Variants in MYO3B observed in about 807,000 individuals in gnomAD.
The protein encoded by MYO3B is myosin-IIIb.
MYO3B carries 156 observed loss-of-function variants against 174.6 expected under a neutral mutation model. That is an observed-to-expected ratio of 0.89 (90% CI 0.78 to 1.02). The LOEUF is 1.02. Ranked by LOEUF, MYO3B falls within the 50% of genes least tolerant of loss-of-function variation. MYO3B has a pLI of 0.00. For synonymous variants in MYO3B, 563 were observed against 569.1 expected (o/e 0.99, Z 0.15); for missense variants, 1,632 against 1,639.4 (o/e 1.00, Z 0.08).
At chr2:170,628,878 C>A (rs1441853935) in intron 32 of MYO3B, among the ~76,000 whole-genome samples, 1 of 152,164 alleles carries the variant, frequency 6.6e-6, no homozygotes, top group Non-Finnish European at 1.5e-5. Flanking sequence ...TTCCCATAGT[C>A]TTTCCCAGGA....
At chr2:170,442,310 T>C (rs148513311) in intron 22 of MYO3B, among the ~76,000 whole-genome samples, 1 of 152,306 alleles carries the variant, frequency 6.6e-6, no homozygotes, top group East Asian at 1.9e-4. Context: ...ATTTTAGCCA[T>C]AATAGCAGGT....
intron 22 of MYO3B, among the ~76,000 whole-genome samples, chr2:170,414,208 A>G (rs2094563888): frequency 1.3e-5 from 2 of 151,926 alleles, no homozygotes; most frequent in Admixed American, 1.3e-4. Context: ...TTTTCTTGAG[A>G]TGGAGTTTCA....
At chr2:170,412,371 G>A (rs1013970286) in intron 22 of MYO3B, 1 of 152,192 alleles carries the variant, frequency 6.6e-6, no homozygotes, top group Non-Finnish European at 1.5e-5. Flanking sequence ...AATAAGAATA[G>A]CACCAGAGGG....
At chr2:170,502,823 A>G (rs371687228) in intron 28 of MYO3B, among the ~76,000 whole-genome samples, 10 of 152,336 alleles carry the variant, frequency 6.6e-5, no homozygotes, top group Admixed American at 2.0e-4. Context: ...CAACCTCTTG[A>G]AAGAAGTCCC....
intron 7 of MYO3B, among the ~76,000 whole-genome samples, chr2:170,244,263 G>T (rs139803582): frequency 1.3e-5 from 2 of 152,236 alleles, no homozygotes; most frequent in African/African-American, 4.8e-5. Flanking sequence ...CAGATAAAGG[G>T]ACAATAGCAA....
At chr2:170,565,132 AT>A (rs960984701) in intron 32 of MYO3B, among the ~76,000 whole-genome samples, 6 of 152,012 alleles carry the variant, frequency 3.9e-5, no homozygotes, top group African/African-American at 9.7e-5. Context: ...TGAGAAATAA[AT>A]TTTTTTTGCA....
At chr2:170,290,945 A>G (rs1243901256) in intron 7 of MYO3B, among the ~76,000 whole-genome samples, 1 of 152,136 alleles carries the variant, frequency 6.6e-6, no homozygotes, top group Non-Finnish European at 1.5e-5. Flanking sequence ...ATCACAAATA[A>G]AATAATAGAA....
At chr2:170,481,591 T>C (rs1166376625) in intron 25 of MYO3B, among the ~76,000 whole-genome samples, 1 of 152,070 alleles carries the variant, frequency 6.6e-6, no homozygotes, top group Non-Finnish European at 1.5e-5. Flanking sequence ...ATTTAAAAAT[T>C]TTTAAAAAGT....
At chr2:170,329,613 C>T (rs566467980) in intron 7 of MYO3B, among the ~76,000 whole-genome samples, 6 of 149,932 alleles carry the variant, frequency 4.0e-5, no homozygotes, top group African/African-American at 7.4e-5. Context: ...AGGCTGGTCT[C>T]GAACTCCTGA....
intron 25 of MYO3B, among the ~76,000 whole-genome samples, chr2:170,476,312 G>A (rs1216273196): frequency 2.2e-5 from 2 of 89,852 alleles, no homozygotes; most frequent in Non-Finnish European, 5.1e-5. Context: ...GATGGCTTAA[G>A]TGTTAAACCA....
intron 13 of MYO3B, among the ~76,000 whole-genome samples, chr2:170,386,500 C>T (rs769380404): frequency 6.6e-6 from 1 of 151,924 alleles, no homozygotes; most frequent in Non-Finnish European, 1.5e-5. Flanking sequence ...AGATTATCGG[C>T]AATTAATTTT....
At chr2:170,337,889 C>T (rs1222920160) in intron 8 of MYO3B, 1 of 152,122 alleles carries the variant, frequency 6.6e-6, no homozygotes, top group Non-Finnish European at 1.5e-5. Context: ...AGGTCTTCAT[C>T]CTCATCTTTT....
chr2:170,231,776 C>T (rs6433183), intron 6 of MYO3B, among the ~76,000 whole-genome samples: 102,000 of 152,116 alleles, frequency 0.67, 34,705 homozygotes, highest in African/African-American at 0.78. Flanking sequence ...GTACTGTTCA[C>T]TCTAGCTAAT....
At chr2:170,438,756 T>A (rs2094776001) in intron 22 of MYO3B, among the ~76,000 whole-genome samples, 1 of 152,032 alleles carries the variant, frequency 6.6e-6, no homozygotes, top group Non-Finnish European at 1.5e-5. Flanking sequence ...TGCCTCAGCC[T>A]CCTGAGTAGC....
At chr2:170,376,362 A>T (rs2094293285) in intron 9 of MYO3B, among the ~76,000 whole-genome samples, 1 of 152,226 alleles carries the variant, frequency 6.6e-6, no homozygotes, top group African/African-American at 2.4e-5. Context: ...TGGCTCTGTT[A>T]TCAAAGGGTA....
intron 8 of MYO3B, among the ~76,000 whole-genome samples, chr2:170,357,565 T>G (rs545682055): frequency 1.3e-5 from 2 of 152,024 alleles, no homozygotes; most frequent in South Asian, 4.1e-4. Flanking sequence ...TTTTTCTGTT[T>G]GGTTTATAAT....
rs902309922 is a variant in MYO3B, at chr2:170,588,890, C to T, written c.3733+44902C>T. Among the ~76,000 whole-genome samples the T allele has an allele frequency of 9.2e-5, 14 of 152,294 alleles. 1 individual carries two copies. The highest frequency in any genetic ancestry group is 8.3e-4 in the South Asian group (4 of 4,816). ...TCTATGAATGTCATCTGGAAGATGA[C>T]ACTCAAGAGGTTCATCCATGATTTT... On this transcript the variant is annotated intron_variant, in intron 32 of 34. Coordinates refer to ENST00000408978, the MANE Select transcript of MYO3B (RefSeq NM_138995.5).
intron 32 of MYO3B, among the ~76,000 whole-genome samples, chr2:170,572,201 G>A (rs764895894): frequency 9.9e-5 from 15 of 152,058 alleles, no homozygotes; most frequent in African/African-American, 9.7e-5. Flanking sequence ...AGGCCGAGGC[G>A]GGTGGATCAC....
chr2:170,358,190 A>C (rs1407670342), intron 8 of MYO3B, among the ~76,000 whole-genome samples: 2 of 152,072 alleles, frequency 1.3e-5, no homozygotes, highest in Non-Finnish European at 2.9e-5. Context: ...GAAACAACCT[A>C]AGTGTCTATC....
Sources: allele counts gnomAD v4.1 joint callset (sites outside exome capture counted in the v4.1 genomes callset), GRCh38; gene constraint gnomAD v4.1.1; transcripts MANE v1.5; gene names NCBI Gene and HGNC (gene_info 2026-07-23, HGNC 2026-07-21).